The following LAMA4 variants were observed in gnomAD, a reference collection of about 807,000 sequenced individuals.
LAMA4 encodes laminin subunit alpha 4.
A neutral mutation model predicts 207.1 loss-of-function variants in LAMA4; 127 were observed. The observed-to-expected ratio is 0.61, with a 90% confidence interval of 0.53 to 0.71. The LOEUF (loss-of-function observed/expected upper bound fraction) is 0.71. Among genes scored for constraint, LAMA4 ranks in the 30% least tolerant of loss-of-function variants. LAMA4 has a pLI of 0.00. For missense variants in LAMA4, 2,093 were observed against 2,246.5 expected, an observed-to-expected ratio of 0.93 and a Z score of 1.38; for synonymous variants, 761 against 816.0, an observed-to-expected ratio of 0.93 and a Z score of 1.15.
intron 2 of LAMA4, among the ~76,000 whole-genome samples, chr6:112,219,751 AGTTAT>A (rs1784822838): frequency 6.6e-6 from 1 of 152,172 alleles, no homozygotes; most frequent in Non-Finnish European, 1.5e-5. Context: ...TCACTGTGTC[AGTTAT>A]GTTGCACAAT....
chr6:112,197,730 A>G (rs1554350944), intron 5 of LAMA4, among the ~76,000 whole-genome samples: 1 of 152,200 alleles, frequency 6.6e-6, no homozygotes, highest in African/African-American at 2.4e-5. Flanking sequence ...AAATCCAGCC[A>G]TGTGCCATGT....
chr6:112,157,137 C>A (rs1780766506), intron 14 of LAMA4, among the ~76,000 whole-genome samples: 2 of 152,152 alleles, frequency 1.3e-5, no homozygotes, highest in South Asian at 4.1e-4. Flanking sequence ...CTCCCCACAA[C>A]CCCTTCTGAG....
intron 3 of LAMA4, among the ~76,000 whole-genome samples, chr6:112,210,028 T>TCTCTCTCCCC (rs1784277272): frequency 6.6e-6 from 1 of 151,884 alleles, no homozygotes. Context: ...CCTCTCTCTC[T>TCTCTCTCCCC]CTCTCTCCCC....
At chr6:112,153,884 G>A (rs964902386) in intron 16 of LAMA4, among the ~76,000 whole-genome samples, 3 of 135,996 alleles carry the variant, frequency 2.2e-5, no homozygotes, top group Non-Finnish European at 3.2e-5. Flanking sequence ...GTTGTTTTAT[G>A]GGAAATAAAT....
chr6:112,242,169 C>A lies in LAMA4; in HGVS notation c.195+11787G>T, dbSNP rs376401476. ...GAAGAGTTAGGTGGGAGTAAAAAAA[C>A]CTGCCATGTCATTTCATGTCTTTTC... On this transcript the variant is annotated intron_variant, in intron 2 of 38. Transcript: ENST00000230538. Among the ~76,000 whole-genome samples the A allele has an allele frequency of 2.4e-4, 36 of 152,264 alleles. No individual in the cohort carries two copies. The South Asian group carries it at 7.5e-3, about 32-fold the overall frequency.
rs576462916 is a variant in LAMA4 at position 112,134,931 on chromosome 6, C to T, written c.3415-322G>A. On this transcript the variant is annotated intron_variant, in intron 25 of 38. Transcript: ENST00000230538. ...GGAAAGAACTATAAACAGGTGCCACCATTCTCTTTTTTTTTAAAAAAACAA... is the reference window on the plus strand; with the variant it reads ...GGAAAGAACTATAAACAGGTGCCACTATTCTCTTTTTTTTTAAAAAAACAA... Among the ~76,000 whole-genome samples the T allele has an allele frequency of 7.9e-5, 12 of 152,078 alleles. No homozygotes were observed. In the East Asian group the frequency reaches 2.1e-3, roughly 27 times the overall value.
intron 5 of LAMA4, among the ~76,000 whole-genome samples, chr6:112,199,913 A>G (rs1004468883): frequency 6.6e-6 from 1 of 152,156 alleles, no homozygotes; most frequent in African/African-American, 2.4e-5. Flanking sequence ...GGGCCTGCAG[A>G]TGAGTGACTG....
chr6:112,132,930 T>C, intron 27 of LAMA4, 40 bp from the exon 28 acceptor site: 1 of 1,598,896 alleles, frequency 6.3e-7, no homozygotes, highest in Non-Finnish European at 8.6e-7. Context: ...TTTTGAGAAT[T>C]ATCAAATGCT....
In LAMA4 at chr6:112,249,539, A is replaced by G. The variant is rs190882785; in HGVS notation, c.195+4417T>C. On this transcript the variant is annotated intron_variant, in intron 2 of 38. Transcript: ENST00000230538. ...TTTACCTAATCACCTCTTCCTAGCT[A>G]CTTTTGCACAGTTGAACTGCTTTTA... Among the ~76,000 whole-genome samples, 10 of 151,050 alleles carry G rather than the reference A, an allele frequency of 6.6e-5. No homozygotes were observed. The East Asian group carries it at 1.7e-3, about 26-fold the overall frequency.
intron 32 of LAMA4, among the ~76,000 whole-genome samples, chr6:112,121,246 C>A (rs1313184265): frequency 1.3e-5 from 2 of 152,132 alleles, no homozygotes; most frequent in Non-Finnish European, 2.9e-5. Context: ...ATGTAAAAAG[C>A]AGCCACCCGA....
At chr6:112,161,091 C>G (rs928217553) in intron 13 of LAMA4, among the ~76,000 whole-genome samples, 15 of 152,132 alleles carry the variant, frequency 9.9e-5, no homozygotes, top group Non-Finnish European at 1.5e-5. Flanking sequence ...AAATATTTTC[C>G]CTTTCTGGAA....
At chr6:112,189,471 G>A (rs1366035535) in intron 6 of LAMA4, among the ~76,000 whole-genome samples, 3 of 152,298 alleles carry the variant, frequency 2.0e-5, no homozygotes, top group Non-Finnish European at 4.4e-5. Flanking sequence ...AACTCTTTGG[G>A]ATTCTGACAT....
chr6:112,139,368 TCTTCTAACATCTTCTGTGGAC>T, intron 23 of LAMA4, 77 bp from the exon 24 acceptor site: 16 of 1,423,094 alleles, frequency 1.1e-5, no homozygotes, highest in Non-Finnish European at 1.6e-5. Flanking sequence ...TTTAACCCAT[TCTTCTAACATCTTCTGTGGAC>T]CTTACAACAT....
At chr6:112,192,368 T>C (rs1164696080) in intron 5 of LAMA4, among the ~76,000 whole-genome samples, 1 of 152,206 alleles carries the variant, frequency 6.6e-6, no homozygotes, top group Non-Finnish European at 1.5e-5. Flanking sequence ...TGGGCTCTTG[T>C]TTGAGGGTCA....
At chr6:112,191,924 G>C in intron 5 of LAMA4, 74 bp from the exon 6 acceptor site, 1 of 1,146,010 alleles carries the variant, frequency 8.7e-7, no homozygotes, top group Admixed American at 1.9e-5. Flanking sequence ...TTCCTACAAA[G>C]AAGAAAGATG....
chr6:112,187,953 T>A (rs1554347277), intron 7 of LAMA4, among the ~76,000 whole-genome samples: 2 of 152,162 alleles, frequency 1.3e-5, no homozygotes, highest in Non-Finnish European at 2.9e-5. Context: ...GAGAGTCGCT[T>A]CCTGACATCT....
chr6:112,141,057 A>G (rs1335358485), intron 21 of LAMA4, 135 bp from the exon 22 acceptor site: 3 of 779,186 alleles, frequency 3.9e-6, no homozygotes, highest in Non-Finnish European at 4.3e-6. Context: ...AAATACCACA[A>G]TCAATGAGAA....
intron 3 of LAMA4, among the ~76,000 whole-genome samples, chr6:112,211,934 G>A (rs1041149970): frequency 3.3e-5 from 5 of 152,134 alleles, no homozygotes; most frequent in Non-Finnish European, 7.3e-5. Flanking sequence ...CTGGAGCAGG[G>A]GATGGATGAT....
At chr6:112,110,223 G>T (rs891864040) in intron 38 of LAMA4, among the ~76,000 whole-genome samples, 7 of 152,176 alleles carry the variant, frequency 4.6e-5, no homozygotes, top group Non-Finnish European at 8.8e-5. Flanking sequence ...AAATCTAGAA[G>T]AAGCCTTATG....
Sources: gnomAD v4.1 joint callset for allele counts (sites outside exome capture counted in the v4.1 genomes callset) on GRCh38, gnomAD v4.1.1 for gene constraint, MANE v1.5 for transcripts, NCBI Gene and HGNC (gene_info 2026-07-23, HGNC 2026-07-21) for gene names.